FHIT: variants seen among roughly 807,000 people sequenced by gnomAD.
FHIT encodes bis(5'-adenosyl)-triphosphatase.
FHIT carries 19 observed loss-of-function variants against 17.9 expected under a neutral mutation model. The ratio of observed to expected loss-of-function variants is 1.06; its 90% CI spans 0.74 to 1.56. FHIT has a LOEUF of 1.56. FHIT is among the 40% of genes most tolerant of loss of function. The pLI, the probability that FHIT is intolerant of heterozygous loss-of-function variation, is 0.00. For missense variants in FHIT, 248 were observed against 189.2 expected (o/e 1.31, Z -1.82); for synonymous variants, 81 against 69.7 (o/e 1.16, Z -0.81).
chr3:60,815,619 G>C (rs1160539046), intron 4 of FHIT, among the ~76,000 whole-genome samples: 1 of 152,100 alleles, frequency 6.6e-6, no homozygotes, highest in African/African-American at 2.4e-5. Flanking sequence ...GTACTATACT[G>C]GTTTGGTTAC....
At chr3:60,013,897 A>G in intron 6 of FHIT, 110 bp downstream of exon 6, 3 of 1,181,798 alleles carry the variant, frequency 2.5e-6, no homozygotes, top group Non-Finnish European at 3.6e-6. Flanking sequence ...GCTGCTACCT[A>G]AAATACAAAC....
intron 4 of FHIT, among the ~76,000 whole-genome samples, chr3:60,747,895 T>C (rs550857624): frequency 1.8e-4 from 28 of 152,146 alleles, no homozygotes; most frequent in Non-Finnish European, 3.7e-4. Context: ...AATGGAAAGG[T>C]GGGTATCCCA....
intron 4 of FHIT, among the ~76,000 whole-genome samples, chr3:60,563,349 T>G (rs959544303): frequency 6.6e-6 from 1 of 152,212 alleles, no homozygotes; most frequent in African/African-American, 2.4e-5. Context: ...CACTGCATTT[T>G]GCTTTACTGT....
intron 4 of FHIT, among the ~76,000 whole-genome samples, chr3:60,647,288 G>A (rs2039883225): frequency 6.6e-6 from 1 of 152,150 alleles, no homozygotes; most frequent in African/African-American, 2.4e-5. Context: ...TCAGAAGGGT[G>A]GGAGTTAAAA....
Position 60,800,509 on chromosome 3 carries a change from G to A in FHIT, c.-18+21410C>T, listed in dbSNP as rs55965540. On this transcript the variant is annotated intron_variant, in intron 4 of 9. Coordinates refer to ENST00000492590, the MANE Select transcript of FHIT (RefSeq NM_002012.4). Reference sequence around the variant, plus strand: ...ACCCTAAACAAAGGCTTACAACTAGGTAGTTTATTTTGGGAAAAGAACCCT... The same window carrying A: ...ACCCTAAACAAAGGCTTACAACTAGATAGTTTATTTTGGGAAAAGAACCCT... Among the ~76,000 whole-genome samples the A allele has an allele frequency of 8.4e-3, 1,275 of 152,220 alleles. 10 individuals are homozygous for A. The highest frequency in any genetic ancestry group is 0.014 in the Non-Finnish European group (927 of 68,008).
intron 5 of FHIT, among the ~76,000 whole-genome samples, chr3:60,477,307 T>C (rs555166063): frequency 6.6e-6 from 1 of 152,202 alleles, no homozygotes; most frequent in Admixed American, 6.5e-5. Context: ...GTACACAAAA[T>C]GAAGGCTACT....
chr3:60,555,618 C>G (rs2036714551), intron 4 of FHIT, among the ~76,000 whole-genome samples: 1 of 152,216 alleles, frequency 6.6e-6, no homozygotes, highest in Admixed American at 6.5e-5. Flanking sequence ...TCTTCATCCT[C>G]TCGCCATGAG....
At chr3:60,772,733 T>C (rs1700087285) in intron 4 of FHIT, among the ~76,000 whole-genome samples, 1 of 152,112 alleles carries the variant, frequency 6.6e-6, no homozygotes, top group Non-Finnish European at 1.5e-5. Flanking sequence ...GATCACAAGA[T>C]TTGCAACTTC....
intron 4 of FHIT, among the ~76,000 whole-genome samples, chr3:60,613,227 T>G (rs1553674359): frequency 6.6e-6 from 1 of 152,148 alleles, no homozygotes; most frequent in African/African-American, 2.4e-5. Context: ...TGGCCAAAAT[T>G]TGTGGCATTT....
At chr3:60,308,044 C>G (rs1355558135) in intron 5 of FHIT, among the ~76,000 whole-genome samples, 4 of 152,110 alleles carry the variant, frequency 2.6e-5, no homozygotes, top group African/African-American at 9.7e-5. Context: ...CACTACTTCG[C>G]AGATAAGAGG....
At chr3:60,105,536 T>G (rs1704371437) in intron 5 of FHIT, among the ~76,000 whole-genome samples, 1 of 152,188 alleles carries the variant, frequency 6.6e-6, no homozygotes, top group Admixed American at 6.5e-5. Context: ...CCTACTTTAG[T>G]GATCAGGGTG....
chr3:61,066,935 T>C (rs1575951320), intron 2 of FHIT, among the ~76,000 whole-genome samples: 1 of 152,224 alleles, frequency 6.6e-6, no homozygotes, highest in South Asian at 2.1e-4. Context: ...CAACTGTCCA[T>C]CTGATAGAAG....
At chr3:60,184,555 G>A (rs745711150) in intron 5 of FHIT, among the ~76,000 whole-genome samples, 2 of 152,118 alleles carry the variant, frequency 1.3e-5, no homozygotes, top group East Asian at 1.9e-4. Flanking sequence ...TCATAGCAAC[G>A]TCCATATTAT....
chr3:59,910,671 AAAC>A (rs1002777225), intron 8 of FHIT, among the ~76,000 whole-genome samples: 2 of 152,160 alleles, frequency 1.3e-5, no homozygotes, highest in Admixed American at 6.5e-5. Flanking sequence ...AGGAAGGAAA[AAAC>A]AACAACAACA....
At chr3:59,947,912 A>T (rs553219732) in intron 7 of FHIT, among the ~76,000 whole-genome samples, 167 of 152,346 alleles carry the variant, frequency 1.1e-3, no homozygotes, top group African/African-American at 3.6e-3. Context: ...GACCTTTTAA[A>T]GTGGGCTTTT....
At position 60,308,496 on chromosome 3, in the gene FHIT, GTATA is replaced by G. The variant is rs5849349; in HGVS notation, c.103+228360_103+228363del. Among the ~76,000 whole-genome samples the G allele has an allele frequency of 6.5e-3, 910 of 140,884 alleles. 7 individuals are homozygous for G. The highest frequency in any genetic ancestry group is 0.017 in the African/African-American group (638 of 37,492). The allele number at this position is 140,884 out of a possible 152,430, so 92.4% of individuals were successfully genotyped here. A position where few individuals can be genotyped will look rare whatever the true frequency, so the allele number is the denominator to read the frequency against. On this transcript the variant is annotated intron_variant, in intron 5 of 9. Coordinates refer to ENST00000492590, the MANE Select transcript of FHIT (RefSeq NM_002012.4). ...TATAGGTATAGGTATAGGTGTATGTGTATATATATATATATATATATATATATAT... is the reference window on the plus strand; with the variant it reads ...TATAGGTATAGGTATAGGTGTATGTGTATATATATATATATATATATATAT...
chr3:61,196,983 G>A (rs1239306696), intron 2 of FHIT, among the ~76,000 whole-genome samples: 2 of 152,170 alleles, frequency 1.3e-5, no homozygotes, highest in African/African-American at 2.4e-5. Context: ...TAGGCCCATG[G>A]TGCAGAGCCA....
chr3:60,658,761 A>T (rs1197789221), intron 4 of FHIT, among the ~76,000 whole-genome samples: 3 of 152,114 alleles, frequency 2.0e-5, no homozygotes, highest in African/African-American at 7.2e-5. Context: ...TTAGTCTCAT[A>T]TCATGTAGAA....
intron 7 of FHIT, among the ~76,000 whole-genome samples, chr3:59,928,948 T>C (rs977732516): frequency 1.1e-4 from 15 of 137,794 alleles, no homozygotes; most frequent in Admixed American, 2.4e-4. Flanking sequence ...TGAGCCGAGA[T>C]TGCACCACTG....
Sources: gnomAD v4.1 joint callset for allele counts (sites outside exome capture counted in the v4.1 genomes callset) on GRCh38, gnomAD v4.1.1 for gene constraint, MANE v1.5 for transcripts, NCBI Gene and HGNC (gene_info 2026-07-23, HGNC 2026-07-21) for gene names.